STAU2: variants seen among roughly 807,000 people sequenced by gnomAD.
STAU2 encodes the protein double-stranded RNA-binding protein Staufen homolog 2.
STAU2 carries 20 observed loss-of-function variants against 65.9 expected under a neutral mutation model. The ratio of observed to expected loss-of-function variants is 0.30; its 90% CI spans 0.21 to 0.44. STAU2 has a LOEUF of 0.44. STAU2 is among the 20% of genes least tolerant of loss of function. STAU2 has a pLI of 1.00. For missense variants in STAU2, 558 were observed against 683.9 expected (o/e 0.82, Z 2.05); for synonymous variants, 232 against 233.9 (o/e 0.99, Z 0.07).
intron 11 of STAU2, 116 bp downstream of exon 11, chr8:73,595,050 T>A: frequency 1.3e-6 from 1 of 773,994 alleles, no homozygotes; most frequent in South Asian, 2.5e-5. Context: ...TCTATCTTTG[T>A]ATTGCCTCAG....
At chr8:73,632,593 T>C (rs1814181848) in intron 6 of STAU2, among the ~76,000 whole-genome samples, 1 of 152,196 alleles carries the variant, frequency 6.6e-6, no homozygotes, top group African/African-American at 2.4e-5. Flanking sequence ...AAACCTGCAA[T>C]ACAATCTGAG....
At chr8:73,545,141 T>C (rs1456850628) in intron 13 of STAU2, among the ~76,000 whole-genome samples, 1 of 152,222 alleles carries the variant, frequency 6.6e-6, no homozygotes, top group Non-Finnish European at 1.5e-5. Context: ...GCTGAAATTA[T>C]GGAAACCTCT....
intron 12 of STAU2, among the ~76,000 whole-genome samples, chr8:73,557,182 G>C (rs761842645): frequency 2.0e-5 from 3 of 152,152 alleles, no homozygotes; most frequent in Non-Finnish European, 4.4e-5. Context: ...CCACACTCAA[G>C]AGAGGCATTA....
chr8:73,709,072 T>G lies in STAU2; in HGVS notation c.74A>C (p.Gln25Pro). Reference sequence around the variant, plus strand: ...CCCTCTTTCATTCAGAAGTTTATACTGGGGTTGGACTCTATTGAAACGGGC... The same window carrying G: ...CCCTCTTTCATTCAGAAGTTTATACGGGGGTTGGACTCTATTGAAACGGGC... ...ELARFNRVQP[Q>P]YKLLNERGPA... Residue 25 changes from glutamine to proline, a missense_variant, in exon 4 of 15, where the codon CAG becomes CCG. This residue lies in a region of STAU2 where 112 missense variants were observed against 114.2 expected (regional missense o/e 0.98). Transcript: ENST00000524300. 1 of 1,531,640 alleles carries G rather than the reference T, an allele frequency of 6.5e-7. No homozygotes were observed. Among genetic ancestry groups the G allele is most frequent in the Non-Finnish European group, 8.7e-7 (1 of 1,144,162 alleles). The allele number at this position is 1,531,640 out of a possible 1,614,324, so 94.9% of individuals were successfully genotyped here. A position where few individuals can be genotyped will look rare whatever the true frequency, so the allele number is the denominator to read the frequency against.
intron 13 of STAU2, among the ~76,000 whole-genome samples, chr8:73,445,316 C>T (rs974612620): frequency 1.3e-5 from 2 of 152,102 alleles, no homozygotes; most frequent in Admixed American, 6.6e-5. Context: ...GAAGAGATGG[C>T]GGCAGCAGTC....
chr8:73,513,613 C>A (rs1270996873), intron 13 of STAU2, among the ~76,000 whole-genome samples: 1 of 152,100 alleles, frequency 6.6e-6, no homozygotes, highest in East Asian at 1.9e-4. Flanking sequence ...GTGAGTTTAT[C>A]AAGGCTCCCT....
intron 1 of STAU2, among the ~76,000 whole-genome samples, chr8:73,744,590 T>C (rs1807144592): frequency 6.6e-6 from 1 of 152,150 alleles, no homozygotes; most frequent in South Asian, 2.1e-4. Flanking sequence ...GATGACTATC[T>C]TAGATTTTTT....
chr8:73,667,779 G>A (rs1395021841), intron 6 of STAU2, among the ~76,000 whole-genome samples: 2 of 152,188 alleles, frequency 1.3e-5, no homozygotes, highest in Non-Finnish European at 2.9e-5. Context: ...GAATGAAGAT[G>A]ACCTCACGAA....
chr8:73,556,622 T>G (rs1371522010), intron 12 of STAU2, among the ~76,000 whole-genome samples: 1 of 152,118 alleles, frequency 6.6e-6, no homozygotes, highest in Non-Finnish European at 1.5e-5. Context: ...CTGGACGTAG[T>G]GGCAGGCGCC....
chr8:73,732,214 C>A (rs748829192), intron 3 of STAU2, among the ~76,000 whole-genome samples: 8 of 152,218 alleles, frequency 5.3e-5, no homozygotes, highest in Non-Finnish European at 8.8e-5. Context: ...CAGTTTCCCA[C>A]AGCATGGGCC....
At chr8:73,529,284 T>C (rs7002974) in intron 13 of STAU2, among the ~76,000 whole-genome samples, 133,913 of 152,222 alleles carry the variant, frequency 0.88, 59,131 homozygotes, top group East Asian at 0.92. Context: ...TATCACATAA[T>C]AGGTTTATGT....
chr8:73,635,203 G>A (rs991521230), intron 6 of STAU2, among the ~76,000 whole-genome samples: 1 of 152,162 alleles, frequency 6.6e-6, no homozygotes, highest in Non-Finnish European at 1.5e-5. Context: ...CCTATTTCCA[G>A]TATGGCCAAG....
At position 73,613,726 on chromosome 8, in the gene STAU2, T is replaced by C; in HGVS notation, c.891+18A>G. 6.4e-7 allele frequency: 1 copy of C among 1,573,132 alleles called. No individual in the cohort carries two copies. The highest frequency in any genetic ancestry group is 8.6e-7 in the Non-Finnish European group (1 of 1,158,430). ...TTTATTTAGTAAAACTGACTGATGTTCACAAATATAAACTTACCTTTACTA... is the reference window on the plus strand; with the variant it reads ...TTTATTTAGTAAAACTGACTGATGTCCACAAATATAAACTTACCTTTACTA... On this transcript the variant is annotated intron_variant, in intron 9 of 14. Transcript: ENST00000524300.
chr8:73,575,656 T>C (rs1809487627), intron 12 of STAU2, among the ~76,000 whole-genome samples: 1 of 152,164 alleles, frequency 6.6e-6, no homozygotes, highest in Admixed American at 6.5e-5. Flanking sequence ...CTTCAGGACA[T>C]ACTGTTAAGC....
chr8:73,548,393 C>G (rs982836883), intron 13 of STAU2, among the ~76,000 whole-genome samples: 2 of 152,036 alleles, frequency 1.3e-5, no homozygotes, highest in South Asian at 2.1e-4. Context: ...CACCACCCCC[C>G]CACTTCCACC....
intron 6 of STAU2, among the ~76,000 whole-genome samples, chr8:73,646,177 T>C (rs1038055524): frequency 6.6e-6 from 1 of 152,206 alleles, no homozygotes; most frequent in Admixed American, 6.5e-5. Flanking sequence ...AAAATTGAAA[T>C]GTAGGTCTAC....
intron 3 of STAU2, among the ~76,000 whole-genome samples, chr8:73,737,344 A>G (rs187080402): frequency 6.9e-6 from 1 of 144,340 alleles, no homozygotes; most frequent in African/African-American, 2.6e-5. Context: ...CTAATTTTGT[A>G]TTTTTTAGTA....
At chr8:73,486,170 G>A (rs918407792) in intron 13 of STAU2, among the ~76,000 whole-genome samples, 1 of 152,040 alleles carries the variant, frequency 6.6e-6, no homozygotes, top group Non-Finnish European at 1.5e-5. Flanking sequence ...TGAACTCCGT[G>A]AACACAAGAG....
upstream of STAU2, chr8:73,747,053 G>T (rs1437888073): frequency 8.8e-6 from 2 of 226,058 alleles, no homozygotes; most frequent in Admixed American, 6.2e-5. Flanking sequence ...GCCGGCCCGC[G>T]ACCAAGCGCG....
Sources: allele counts gnomAD v4.1 joint callset (sites outside exome capture counted in the v4.1 genomes callset), GRCh38; gene constraint gnomAD v4.1.1; regional missense constraint gnomAD v4.1.1; transcripts MANE v1.5; gene names NCBI Gene and HGNC (gene_info 2026-07-23, HGNC 2026-07-21).